Variants in BRD1 observed in about 807,000 individuals in gnomAD.
The protein encoded by BRD1 is bromodomain-containing protein 1.
A neutral mutation model predicts 107.7 loss-of-function variants in BRD1; 24 were observed. That is an observed-to-expected ratio of 0.22 (90% CI 0.16 to 0.31). The LOEUF is 0.31. Among genes scored for constraint, BRD1 ranks in the 10% least tolerant of loss-of-function variants. The probability of loss-of-function intolerance (pLI) is 1.00; values close to 1 mark genes in which losing one functional copy is unlikely to be tolerated. For missense variants in BRD1, 1,279 were observed against 1,638.6 expected (o/e 0.78, Z 3.79); for synonymous variants, 744 against 686.1 (o/e 1.08, Z -1.32).
chr22:49,824,872 C>T lies in BRD1; in HGVS notation c.-14-541G>A. On this transcript the variant is annotated intron_variant, in intron 1 of 12. Transcript: ENST00000404760. This position sits in a 1 kb window ranked among gnomAD's most constrained non-coding sequence, Gnocchi z 5.9. ...GAGCACTCCCATGAGCCCAGAGTCA[C>T]CACAGTCCTTGCAGCATTCCTGCTG... 3.1e-6 allele frequency: 3 copies of T among 973,790 alleles called. No individual in the cohort carries two copies. Among genetic ancestry groups the T allele is most frequent in the Non-Finnish European group, 3.7e-6 (3 of 812,848 alleles). The allele number at this position is 973,790 out of a possible 1,614,324, so 60.3% of individuals were successfully genotyped here.
chr22:49,775,705 T>C lies in BRD1; in HGVS notation c.3272A>G (p.Asn1091Ser), dbSNP rs1400162812. ...GGGTGGGGCCGGGATGGTGACGCCG[T>C]TGTGGTGGCCAGGCACACGGGGCAT... ...PKMPRVPGHH[N>S]GVTIPAPPLD... Residue 1091 changes from asparagine to serine, a missense_variant, in exon 12 of 13, where the codon AAC becomes AGC. Around this residue, in one of 7 missense-constraint regions of BRD1, gnomAD observed 136 missense variants for 196.8 expected, o/e 0.69. Transcript: ENST00000404760. 1 of 1,613,430 alleles carries C rather than the reference T, an allele frequency of 6.2e-7. No homozygotes were observed. Among genetic ancestry groups the C allele is most frequent in the Non-Finnish European group, 8.5e-7 (1 of 1,179,806 alleles).
At chr22:49,798,445 G>A in intron 5 of BRD1, 113 bp downstream of exon 5, 1 of 1,504,918 alleles carries the variant, frequency 6.6e-7, no homozygotes, top group South Asian at 1.2e-5. Context: ...ATAAAAACGA[G>A]AATTAAGAAC....
intron 6 of BRD1, among the ~76,000 whole-genome samples, chr22:49,794,626 G>A (rs1328779557): frequency 1.3e-5 from 2 of 152,232 alleles, no homozygotes; most frequent in African/African-American, 4.8e-5. Flanking sequence ...CTGCCTGGGT[G>A]AGGGCACAGC....
intron 2 of BRD1, among the ~76,000 whole-genome samples, chr22:49,819,923 A>C (rs994778497): frequency 2.0e-5 from 3 of 151,534 alleles, no homozygotes; most frequent in Admixed American, 2.0e-4. Context: ...TGAGGTCAGC[A>C]GTTCAAGACC....
chr22:49,805,265 C>T (rs1180573084), intron 2 of BRD1, among the ~76,000 whole-genome samples: 1 of 152,166 alleles, frequency 6.6e-6, no homozygotes, highest in Admixed American at 6.5e-5. Flanking sequence ...AACCCAACGC[C>T]GCCTCTTCCG....
At chr22:49,814,340 G>A (rs2059910179) in intron 2 of BRD1, among the ~76,000 whole-genome samples, 1 of 152,230 alleles carries the variant, frequency 6.6e-6, no homozygotes, top group South Asian at 2.1e-4. Context: ...GCCAGGTGGT[G>A]CGAGGTGGAG....
chr22:49,807,845 G>A (rs2059773889), intron 2 of BRD1, among the ~76,000 whole-genome samples: 3 of 152,044 alleles, frequency 2.0e-5, no homozygotes, highest in African/African-American at 7.2e-5. Context: ...ATCTGAAATG[G>A]GATTAATATC....
intron 7 of BRD1, among the ~76,000 whole-genome samples, chr22:49,793,518 C>A (rs904998465): frequency 6.6e-6 from 1 of 152,240 alleles, no homozygotes; most frequent in Non-Finnish European, 1.5e-5. Context: ...TCGGGGCAGA[C>A]AAGGCCTCTG....
chr22:49,824,200 C>A lies in BRD1; in HGVS notation c.118G>T (p.Val40Leu). The stretch of plus-strand genomic sequence containing the variant: ...AAGCGCCCTTCAATTTCTATCTCTA[C>A]CATCCTTTGAGCTTGAGCGTAGGTC... ...TLTYAQAQRM[V>L]EIEIEGRLHR... Residue 40 changes from valine (V) to leucine (L), a missense_variant, in exon 2 of 13, where the codon GTA becomes TTA. Val to Leu is a conservative substitution (Grantham distance 32). This residue lies in a region of BRD1 where 223 missense variants were observed against 263.5 expected (regional missense o/e 0.85). Coordinates refer to ENST00000404760, the MANE Select transcript of BRD1 (RefSeq NM_001304808.3). This position sits in a 1 kb window ranked among gnomAD's most constrained non-coding sequence, Gnocchi z 5.9. 1 of 1,613,988 alleles carries A rather than the reference C, an allele frequency of 6.2e-7. No individual in the cohort carries two copies. The highest frequency in any genetic ancestry group is 8.5e-7 in the Non-Finnish European group (1 of 1,180,034).
chr22:49,798,458 A>C, intron 5 of BRD1, 100 bp downstream of exon 5: 6 of 1,549,718 alleles, frequency 3.9e-6, no homozygotes, highest in Non-Finnish European at 5.3e-6. Flanking sequence ...TTAAGAACAC[A>C]AGGGATGTAC....
At chr22:49,800,011 C>G (rs938207274) in intron 3 of BRD1, among the ~76,000 whole-genome samples, 2 of 152,186 alleles carry the variant, frequency 1.3e-5, no homozygotes, top group Non-Finnish European at 2.9e-5. Context: ...AGCTGCAGGA[C>G]ACGCGCGCCC....
chr22:49,822,011 G>T (rs1252126748), intron 2 of BRD1, among the ~76,000 whole-genome samples: 1 of 152,248 alleles, frequency 6.6e-6, no homozygotes, highest in Non-Finnish European at 1.5e-5. Flanking sequence ...CACAGCAGTG[G>T]ATGTCCCGAT....
At chr22:49,778,459 C>T (rs2059142564) in intron 8 of BRD1, among the ~76,000 whole-genome samples, 1 of 152,224 alleles carries the variant, frequency 6.6e-6, no homozygotes, top group Non-Finnish European at 1.5e-5. Context: ...CTAAACAAAA[C>T]ACCACTCACA....
At chr22:49,775,815 A>ACCCCCCCC (rs758380473) in intron 11 of BRD1, 70 bp from the exon 12 acceptor site, 14 of 1,143,002 alleles carry the variant, frequency 1.2e-5, no homozygotes, top group Admixed American at 2.9e-5. Context: ...TGTCACTGGC[A>ACCCCCCCC]CCCCCCCCCG....
chr22:49,782,845 T>C (rs1209830296), intron 8 of BRD1, among the ~76,000 whole-genome samples: 2 of 148,818 alleles, frequency 1.3e-5, no homozygotes, highest in Non-Finnish European at 3.0e-5. Flanking sequence ...AGGCCCATCG[T>C]GCTGGGACCC....
intron 8 of BRD1, among the ~76,000 whole-genome samples, chr22:49,782,615 G>A (rs2059233780): frequency 6.9e-6 from 1 of 145,790 alleles, no homozygotes; most frequent in Non-Finnish European, 1.5e-5. Context: ...ACAGAACCAA[G>A]GCCCAGGCCA....
rs752223681 is a variant in BRD1 at position 49,798,091 on chromosome 22, T to C, written c.1812A>G (p.Lys604=). 4 of 1,610,300 alleles carry C rather than the reference T, an allele frequency of 2.5e-6. No individual in the cohort carries two copies. The highest frequency in any genetic ancestry group is 1.3e-5 in the African/African-American group (1 of 74,824). Residue 604 remains lysine, a synonymous_variant, in exon 6 of 13, where the codon AAA becomes AAG. Coordinates refer to ENST00000404760, the MANE Select transcript of BRD1 (RefSeq NM_001304808.3). Reference sequence around the variant, plus strand: ...TCATTGTGGCAAAGTCCATGGGATGTTTAATGTGATCCAAATAATCTGGTA... The same window carrying C: ...TCATTGTGGCAAAGTCCATGGGATGCTTAATGTGATCCAAATAATCTGGTA... ...KEVPDYLDHI[K]HPMDFATMRK... is the part of the protein sequence containing the mutation.
intron 2 of BRD1, among the ~76,000 whole-genome samples, chr22:49,821,249 G>A (rs904899216): frequency 2.6e-5 from 4 of 152,202 alleles, no homozygotes; most frequent in Non-Finnish European, 2.9e-5. Flanking sequence ...GGCCAGGGAA[G>A]GGAGCACTTC....
intron 2 of BRD1, among the ~76,000 whole-genome samples, chr22:49,821,605 TTC>T (rs1367065231): frequency 1.8e-5 from 2 of 112,518 alleles, no homozygotes; most frequent in Non-Finnish European, 3.5e-5. Context: ...CACTTAAAAC[TTC>T]TTTTTTTTTT....
Sources: gnomAD v4.1 joint callset for allele counts (sites outside exome capture counted in the v4.1 genomes callset) on GRCh38, gnomAD v4.1.1 for gene constraint, gnomAD v4.1.1 regional missense constraint, Gnocchi (gnomAD v3.1) non-coding constraint, MANE v1.5 for transcripts, NCBI Gene and HGNC (gene_info 2026-07-23, HGNC 2026-07-21) for gene names.